The following ATXN1 variants were observed in gnomAD, a reference collection of about 807,000 sequenced individuals.
The protein encoded by ATXN1 is ataxin-1.
ATXN1 carries 8 observed loss-of-function variants against 56.4 expected under a neutral mutation model. The ratio of observed to expected loss-of-function variants is 0.14; its 90% CI spans 0.08 to 0.26. The LOEUF (loss-of-function observed/expected upper bound fraction) is 0.26. Among genes scored for constraint, ATXN1 ranks in the 10% least tolerant of loss-of-function variants. The pLI is 1.00. For synonymous variants in ATXN1, 514 were observed against 494.6 expected (o/e 1.04, Z -0.52); for missense variants, 987 against 1,106.5 (o/e 0.89, Z 1.53).
intron 6 of ATXN1, among the ~76,000 whole-genome samples, chr6:16,441,385 A>G (rs1759514283): frequency 6.6e-6 from 1 of 152,148 alleles, no homozygotes; most frequent in Non-Finnish European, 1.5e-5. Context: ...ACACTAGAAA[A>G]TATTTTCTGG....
At chr6:16,633,212 A>G (rs1359478374) in intron 3 of ATXN1, among the ~76,000 whole-genome samples, 2 of 152,232 alleles carry the variant, frequency 1.3e-5, no homozygotes, top group African/African-American at 4.8e-5. Context: ...TGTTTACTTC[A>G]TAAGATTCTC....
intron 6 of ATXN1, among the ~76,000 whole-genome samples, chr6:16,371,793 G>C (rs983023500): frequency 6.6e-6 from 1 of 151,488 alleles, no homozygotes; most frequent in African/African-American, 2.4e-5. Flanking sequence ...TACCTAGGCT[G>C]GTCTCAAAAT....
At chr6:16,642,226 T>G (rs953734188) in intron 3 of ATXN1, among the ~76,000 whole-genome samples, 2 of 152,096 alleles carry the variant, frequency 1.3e-5, no homozygotes, top group African/African-American at 4.8e-5. Context: ...GAAACCCATC[T>G]CTACTAAAAA....
intron 6 of ATXN1, among the ~76,000 whole-genome samples, chr6:16,338,918 G>A (rs1761183642): frequency 6.6e-6 from 1 of 152,100 alleles, no homozygotes; most frequent in Admixed American, 6.5e-5. Context: ...ACACCAACAA[G>A]AAGGAAGGCA....
intron 2 of ATXN1, among the ~76,000 whole-genome samples, chr6:16,676,996 A>AT (rs1758675413): frequency 1.3e-5 from 2 of 151,276 alleles, no homozygotes; most frequent in Admixed American, 6.6e-5. Flanking sequence ...TTGCTGTTTC[A>AT]TTTTATTTTC....
At chr6:16,625,936 C>G (rs1353639625) in intron 3 of ATXN1, among the ~76,000 whole-genome samples, 3 of 152,138 alleles carry the variant, frequency 2.0e-5, no homozygotes, top group African/African-American at 7.2e-5. Context: ...GGCAAACTTG[C>G]CACCATGGAA....
intron 2 of ATXN1, among the ~76,000 whole-genome samples, chr6:16,701,521 A>T (rs1327654047): frequency 6.6e-6 from 1 of 152,214 alleles, no homozygotes; most frequent in Non-Finnish European, 1.5e-5. Context: ...AGAGTATTCA[A>T]TTAGGAAAAG....
chr6:16,586,680 T>A (rs1762630391), intron 3 of ATXN1, among the ~76,000 whole-genome samples: 1 of 152,176 alleles, frequency 6.6e-6, no homozygotes, highest in Non-Finnish European at 1.5e-5. Context: ...TACTATACCA[T>A]CTCTTCAAGG....
intron 6 of ATXN1, among the ~76,000 whole-genome samples, chr6:16,341,083 A>G (rs1411387935): frequency 6.6e-6 from 1 of 152,220 alleles, no homozygotes; most frequent in Non-Finnish European, 1.5e-5. Context: ...CTTACTAGAA[A>G]TCTACCATAG....
chr6:16,744,754 G>A (rs568600536), intron 2 of ATXN1, among the ~76,000 whole-genome samples: 35 of 152,298 alleles, frequency 2.3e-4, no homozygotes, highest in Non-Finnish European at 3.8e-4. Context: ...TGGACCACTC[G>A]CCAGCCTGGT....
At chr6:16,450,193 G>GA (rs1184733364) in intron 6 of ATXN1, among the ~76,000 whole-genome samples, 2 of 152,180 alleles carry the variant, frequency 1.3e-5, no homozygotes, top group Non-Finnish European at 2.9e-5. Context: ...CTAAATACAG[G>GA]AAAGAGAAGC....
At chr6:16,537,194 G>A (rs982633697) in intron 4 of ATXN1, among the ~76,000 whole-genome samples, 6 of 152,044 alleles carry the variant, frequency 3.9e-5, no homozygotes, top group South Asian at 2.1e-4. Flanking sequence ...TGCATCAACC[G>A]TCCCTGAATT....
At chr6:16,591,358 G>T (rs1250937154) in intron 3 of ATXN1, among the ~76,000 whole-genome samples, 1 of 152,028 alleles carries the variant, frequency 6.6e-6, no homozygotes, top group South Asian at 2.1e-4. Flanking sequence ...TAAGTATATG[G>T]TTCTTTGCAA....
At chr6:16,390,679 A>ACACACACACACACACAC (rs1554142730) in intron 6 of ATXN1, among the ~76,000 whole-genome samples, 9 of 106,276 alleles carry the variant, frequency 8.5e-5, no homozygotes, top group African/African-American at 4.4e-4. Context: ...AAATAAACAC[A>ACACACACACACACACAC]TCACACACAC....
At chr6:16,459,931 T>C (rs1759956316) in intron 6 of ATXN1, among the ~76,000 whole-genome samples, 1 of 152,198 alleles carries the variant, frequency 6.6e-6, no homozygotes, top group South Asian at 2.1e-4. Flanking sequence ...CAGCTCTGCC[T>C]ACAACAAGTC....
At chr6:16,703,901 C>T (rs762891704) in intron 2 of ATXN1, among the ~76,000 whole-genome samples, 8 of 152,226 alleles carry the variant, frequency 5.3e-5, no homozygotes, top group Non-Finnish European at 1.2e-4. Flanking sequence ...CGCCTGTAAT[C>T]CCAGCTACCC....
intron 4 of ATXN1, among the ~76,000 whole-genome samples, chr6:16,529,696 G>A (rs972964114): frequency 6.6e-5 from 10 of 151,190 alleles, no homozygotes; most frequent in African/African-American, 1.2e-4. Context: ...GTTTCTCGTC[G>A]GATAAATTTA....
At position 16,426,070 on chromosome 6, in the gene ATXN1, T is replaced by C. The variant is rs534901606; in HGVS notation, c.-161+59902A>G. 3.9e-5 allele frequency among the ~76,000 whole-genome samples: 6 copies of C among 152,148 alleles called. No individual in the cohort carries two copies. The South Asian group carries it at 1.2e-3, about 32-fold the overall frequency. On this transcript the variant is annotated intron_variant, in intron 6 of 7. Coordinates refer to ENST00000436367, the MANE Select transcript of ATXN1 (RefSeq NM_001128164.2). ...ACAATACTGCCACAGAGGCAGAGCTTAGAGAGGGTGCTAGGCAAGGCATTC... is the reference window on the plus strand; with the variant it reads ...ACAATACTGCCACAGAGGCAGAGCTCAGAGAGGGTGCTAGGCAAGGCATTC...
At chr6:16,658,413 C>T (rs1758250297) in intron 2 of ATXN1, among the ~76,000 whole-genome samples, 1 of 151,606 alleles carries the variant, frequency 6.6e-6, no homozygotes, top group Non-Finnish European at 1.5e-5. Context: ...TTCCATTTTG[C>T]CCTATAAGTA....
Sources: allele counts gnomAD v4.1 joint callset (sites outside exome capture counted in the v4.1 genomes callset), GRCh38; gene constraint gnomAD v4.1.1; transcripts MANE v1.5; gene names NCBI Gene and HGNC (gene_info 2026-07-23, HGNC 2026-07-21).